The following LDB2 variants were observed in gnomAD, a reference collection of about 807,000 sequenced individuals.
The protein encoded by LDB2 is LIM domain binding 2, also known as LIM domain-binding protein 2.
LDB2 carries 12 observed loss-of-function variants against 44.3 expected under a neutral mutation model. The observed-to-expected ratio is 0.27, with a 90% CI of 0.17 to 0.44. LDB2 has a LOEUF of 0.44. Among genes scored for constraint, LDB2 ranks in the 20% least tolerant of loss-of-function variants. The probability of loss-of-function intolerance (pLI) is 1.00; values close to 1 mark genes in which losing one functional copy is unlikely to be tolerated. For synonymous variants in LDB2, 164 were observed against 174.8 expected (o/e 0.94, Z 0.49); for missense variants, 344 against 473.5 (o/e 0.73, Z 2.54).
intron 2 of LDB2, among the ~76,000 whole-genome samples, chr4:16,637,475 T>C (rs1478107630): frequency 6.6e-6 from 1 of 152,062 alleles, no homozygotes; most frequent in Admixed American, 6.5e-5. Flanking sequence ...CACAAGTCTT[T>C]ACGGAGTACC....
At chr4:16,838,780 T>G (rs1785352495) in intron 1 of LDB2, among the ~76,000 whole-genome samples, 1 of 152,178 alleles carries the variant, frequency 6.6e-6, no homozygotes, top group Admixed American at 6.5e-5. Flanking sequence ...GATTCAGCCT[T>G]CCATGCACTG....
At chr4:16,513,089 C>T (rs1027179884) in intron 5 of LDB2, among the ~76,000 whole-genome samples, 2 of 152,206 alleles carry the variant, frequency 1.3e-5, no homozygotes, top group Non-Finnish European at 2.9e-5. Context: ...GTGCAGTCTT[C>T]AGCGTCATCA....
At chr4:16,683,383 C>T (rs11737891) in intron 2 of LDB2, among the ~76,000 whole-genome samples, 76,812 of 151,984 alleles carry the variant, frequency 0.51, 19,827 homozygotes, top group East Asian at 0.81. Context: ...AAAAATGGAG[C>T]TTCAGGAGAA....
At chr4:16,692,223 C>T (rs1030814093) in intron 2 of LDB2, among the ~76,000 whole-genome samples, 2 of 152,116 alleles carry the variant, frequency 1.3e-5, no homozygotes, top group Admixed American at 6.5e-5. Context: ...ATGAGTTATA[C>T]ATCAGAATTT....
At chr4:16,813,882 T>C (rs561585678) in intron 1 of LDB2, among the ~76,000 whole-genome samples, 6 of 151,810 alleles carry the variant, frequency 4.0e-5, no homozygotes, top group Non-Finnish European at 7.4e-5. Flanking sequence ...CTTTTCTTTT[T>C]TTTTTTTTGA....
intron 2 of LDB2, among the ~76,000 whole-genome samples, chr4:16,685,539 A>C (rs1218285971): frequency 6.6e-6 from 1 of 152,182 alleles, no homozygotes; most frequent in African/African-American, 2.4e-5. Flanking sequence ...AATGGACCTA[A>C]TATTCTCTAC....
chr4:16,686,047 G>A (rs1360952557), intron 2 of LDB2, among the ~76,000 whole-genome samples: 2 of 151,958 alleles, frequency 1.3e-5, no homozygotes, highest in East Asian at 1.9e-4. Flanking sequence ...GAGAGACTCT[G>A]TCTAAAAAAA....
intron 1 of LDB2, among the ~76,000 whole-genome samples, chr4:16,897,689 C>G (rs1487068257): frequency 6.6e-6 from 1 of 151,702 alleles, no homozygotes; most frequent in Non-Finnish European, 1.5e-5. Context: ...GCACGGCCGA[C>G]AGCAATAGGA....
Position 16,651,707 on chromosome 4 carries a change from C to T in LDB2, c.236-55832G>A, listed in dbSNP as rs751692765. ...GGCTAGACTTTCCTAGACTCCTGTG[C>T]GGTCTTTCCTTCCCATGACTAGGTC... On this transcript the variant is annotated intron_variant, in intron 2 of 7. Coordinates refer to ENST00000304523, the MANE Select transcript of LDB2 (RefSeq NM_001290.5). Among the ~76,000 whole-genome samples, 14 of 152,030 alleles carry T rather than the reference C, an allele frequency of 9.2e-5. No homozygotes were observed. The East Asian group carries it at 1.2e-3, about 13-fold the overall frequency.
intron 1 of LDB2, among the ~76,000 whole-genome samples, chr4:16,800,927 G>A (rs1005791600): frequency 2.6e-5 from 4 of 152,118 alleles, no homozygotes; most frequent in Non-Finnish European, 4.4e-5. Context: ...CACCCGCCTC[G>A]GCCTCCCAGC....
chr4:16,557,909 G>A (rs987204623), intron 5 of LDB2, among the ~76,000 whole-genome samples: 11 of 152,190 alleles, frequency 7.2e-5, no homozygotes, highest in African/African-American at 1.4e-4. Context: ...CGTGGCGCAC[G>A]AAACTCCGCT....
rs535641508 is a variant in LDB2, at chr4:16,695,842, A to G, written c.235+63316T>C. The stretch of plus-strand genomic sequence containing the variant: ...TTCTTCTTTTGATTTTTTTTGAAAC[A>G]TCTAAAATGTAAACATCATTCTTAG... On this transcript the variant is annotated intron_variant, in intron 2 of 7. Transcript: ENST00000304523. Among the ~76,000 whole-genome samples, 46 of 152,262 alleles carry G rather than the reference A, an allele frequency of 3.0e-4. 2 individuals carry two copies. In the South Asian group the frequency reaches 9.1e-3, roughly 30 times the overall value.
At chr4:16,728,087 T>G (rs991202504) in intron 2 of LDB2, among the ~76,000 whole-genome samples, 1 of 152,190 alleles carries the variant, frequency 6.6e-6, no homozygotes, top group Non-Finnish European at 1.5e-5. Context: ...CATTTGTTAC[T>G]TAATTTTGCA....
intron 1 of LDB2, among the ~76,000 whole-genome samples, chr4:16,847,563 C>T (rs1787277705): frequency 1.3e-5 from 2 of 152,166 alleles, no homozygotes; most frequent in Non-Finnish European, 2.9e-5. Flanking sequence ...GAAAGAAATA[C>T]TTGGCAATCA....
intron 2 of LDB2, among the ~76,000 whole-genome samples, chr4:16,635,630 A>G (rs1733380551): frequency 6.6e-6 from 1 of 152,140 alleles, no homozygotes; most frequent in African/African-American, 2.4e-5. Flanking sequence ...GCAAACCATT[A>G]CAGAGTTTAT....
At chr4:16,532,824 G>A (rs1342700869) in intron 5 of LDB2, among the ~76,000 whole-genome samples, 1 of 152,146 alleles carries the variant, frequency 6.6e-6, no homozygotes, top group East Asian at 1.9e-4. Flanking sequence ...CATGCCCCTT[G>A]TTGTGGGACT....
At chr4:16,756,119 A>G (rs749325859) in intron 2 of LDB2, among the ~76,000 whole-genome samples, 11 of 152,172 alleles carry the variant, frequency 7.2e-5, no homozygotes, top group Non-Finnish European at 1.2e-4. Context: ...CTCTTCAATT[A>G]TTATACTGCC....
intron 2 of LDB2, among the ~76,000 whole-genome samples, chr4:16,596,707 T>C (rs1201947034): frequency 2.0e-5 from 3 of 152,228 alleles, no homozygotes; most frequent in Non-Finnish European, 4.4e-5. Flanking sequence ...GTTGATACCT[T>C]TCACTTGGTC....
intron 2 of LDB2, among the ~76,000 whole-genome samples, chr4:16,624,716 T>G (rs924576465): frequency 1.3e-5 from 2 of 152,184 alleles, no homozygotes; most frequent in African/African-American, 4.8e-5. Flanking sequence ...TTTAACTTTA[T>G]TCACAATTGA....
Sources: gnomAD v4.1 joint callset for allele counts (sites outside exome capture counted in the v4.1 genomes callset) on GRCh38, gnomAD v4.1.1 for gene constraint, MANE v1.5 for transcripts, NCBI Gene and HGNC (gene_info 2026-07-23, HGNC 2026-07-21) for gene names.